The following STXBP5 variants were observed in gnomAD, a reference collection of about 807,000 sequenced individuals.
The protein encoded by STXBP5 is syntaxin-binding protein 5.
Under a neutral mutation model 152.4 loss-of-function variants are expected in STXBP5, and 50 were observed. That is an observed-to-expected ratio of 0.33 (90% confidence interval 0.26 to 0.42). The LOEUF (loss-of-function observed/expected upper bound fraction) is 0.42. STXBP5 is among the 10% of genes least tolerant of loss of function. STXBP5 has a pLI of 1.00. For missense variants in STXBP5, 1,167 were observed against 1,388.6 expected (o/e 0.84, Z 2.54); for synonymous variants, 492 against 494.7 (o/e 0.99, Z 0.07).
At chr6:147,243,789 T>C (rs1778663634) in intron 4 of STXBP5, among the ~76,000 whole-genome samples, 1 of 152,096 alleles carries the variant, frequency 6.6e-6, no homozygotes, top group African/African-American at 2.4e-5. Context: ...AGAGTTTTTT[T>C]TCTTTTTTTA....
At chr6:147,334,520 T>C (rs910662764) in intron 19 of STXBP5, among the ~76,000 whole-genome samples, 1 of 152,124 alleles carries the variant, frequency 6.6e-6, no homozygotes, top group Non-Finnish European at 1.5e-5. Flanking sequence ...TGCCATTGGA[T>C]CAAATGTCTT....
intron 21 of STXBP5, among the ~76,000 whole-genome samples, chr6:147,348,479 G>A (rs1416149114): frequency 6.6e-6 from 1 of 151,980 alleles, no homozygotes; most frequent in Non-Finnish European, 1.5e-5. Flanking sequence ...ACTCAATACA[G>A]TAACAAAATG....
chr6:147,259,546 T>C (rs1055509665), intron 4 of STXBP5, among the ~76,000 whole-genome samples: 1 of 152,188 alleles, frequency 6.6e-6, no homozygotes, highest in Admixed American at 6.5e-5. Context: ...GTGTATTTAT[T>C]TGATAAGTGT....
chr6:147,358,447 TGAGGAGTGTG>T (rs1425422139), intron 22 of STXBP5, among the ~76,000 whole-genome samples: 3 of 152,204 alleles, frequency 2.0e-5, no homozygotes, highest in Non-Finnish European at 4.4e-5. Flanking sequence ...GGTTCAGTTC[TGAGGAGTGTG>T]GAGTTGTTTG....
intron 16 of STXBP5, among the ~76,000 whole-genome samples, chr6:147,319,315 A>C (rs1782796642): frequency 6.6e-6 from 1 of 152,108 alleles, no homozygotes; most frequent in Non-Finnish European, 1.5e-5. Flanking sequence ...ATTAGCCTGG[A>C]ATTATTCCAT....
At chr6:147,330,876 T>A (rs1783534297) in intron 18 of STXBP5, among the ~76,000 whole-genome samples, 1 of 152,208 alleles carries the variant, frequency 6.6e-6, no homozygotes, top group Non-Finnish European at 1.5e-5. Context: ...TAGTGCCTGA[T>A]TTTGTAAATA....
chr6:147,204,695 C>A lies in STXBP5; in HGVS notation c.150+13C>A. 1.3e-6 allele frequency: 2 copies of A among 1,551,296 alleles called. No individual in the cohort carries two copies. The highest frequency in any genetic ancestry group is 1.7e-6 in the Non-Finnish European group (2 of 1,146,518). The stretch of plus-strand genomic sequence containing the variant: ...TCAGCTCTGCAAGGTGAACGGAGCG[C>A]GCAGCCCCGCGACACCGTCATTGAA... On this transcript the variant is annotated intron_variant, in intron 1 of 27. Coordinates refer to ENST00000321680, the MANE Select transcript of STXBP5 (RefSeq NM_001127715.4). The surrounding 1 kb of genome is among the most constrained non-coding windows in gnomAD (Gnocchi z 4.3).
rs374958281 is a variant in STXBP5, at chr6:147,278,219, A to G, written c.838+15A>G. The G allele has an allele frequency of 6.9e-5, 110 of 1,589,608 alleles. No homozygotes were observed. The African/African-American group carries it at 9.3e-4, about 13-fold the overall frequency. On this transcript the variant is annotated intron_variant, in intron 8 of 27. Transcript: ENST00000321680. ...CACTCCACATGGTAAGAATGCATCA[A>G]TTTTAAATACCACCTAATTGTAACG...
chr6:147,373,627 G>GT, intron 25 of STXBP5, 104 bp from the exon 26 acceptor site: 1 of 736,768 alleles, frequency 1.4e-6, no homozygotes, highest in Non-Finnish European at 2.4e-6. Flanking sequence ...ATCTCAACAG[G>GT]TAATGTTCTG....
intron 2 of STXBP5, among the ~76,000 whole-genome samples, chr6:147,233,518 T>G (rs1778108980): frequency 6.6e-6 from 1 of 151,738 alleles, no homozygotes; most frequent in African/African-American, 2.4e-5. Flanking sequence ...GTAACTCACT[T>G]AAAAAAATCA....
intron 2 of STXBP5, among the ~76,000 whole-genome samples, chr6:147,211,940 G>C (rs1776877921): frequency 6.6e-6 from 1 of 152,126 alleles, no homozygotes; most frequent in African/African-American, 2.4e-5. Flanking sequence ...GTTCATGGAA[G>C]AGTTCCGGTC....
At chr6:147,210,263 A>C (rs917379131) in intron 2 of STXBP5, among the ~76,000 whole-genome samples, 2 of 152,214 alleles carry the variant, frequency 1.3e-5, no homozygotes, top group African/African-American at 4.8e-5. Flanking sequence ...AAAACTTGGC[A>C]AAGAAGTGGC....
rs201711827 is a variant in STXBP5, at chr6:147,353,400, T to C, written c.2305+27T>C. 88 of 1,469,022 alleles carry C rather than the reference T, an allele frequency of 6.0e-5. No homozygotes were observed. The East Asian group carries it at 1.6e-3, about 26-fold the overall frequency. The allele number at this position is 1,469,022 out of a possible 1,614,324, so 91.0% of individuals were successfully genotyped here. A position where few individuals can be genotyped will look rare whatever the true frequency, so the allele number is the denominator to read the frequency against. On this transcript the variant is annotated intron_variant, in intron 22 of 27. Transcript: ENST00000321680. ...TAAGTAAAATAAATATTCAAAATAA[T>C]TTAACTCCCTATAATGGGAAGACAA...
intron 9 of STXBP5, among the ~76,000 whole-genome samples, chr6:147,294,513 C>T (rs925108809): frequency 1.6e-4 from 25 of 152,098 alleles, no homozygotes; most frequent in African/African-American, 5.8e-4. Flanking sequence ...CTGACAAACA[C>T]CTAAAATGCA....
intron 8 of STXBP5, among the ~76,000 whole-genome samples, chr6:147,288,367 T>A (rs1781101262): frequency 6.6e-6 from 1 of 152,188 alleles, no homozygotes; most frequent in Non-Finnish European, 1.5e-5. Flanking sequence ...TGGCTGATAC[T>A]ACTGCATTTT....
chr6:147,256,816 G>A (rs74896334), intron 4 of STXBP5, among the ~76,000 whole-genome samples: 4,457 of 152,142 alleles, frequency 0.029, 59 homozygotes, highest in Middle Eastern at 0.055. Context: ...ATACTCATTA[G>A]GTGTAAGATA....
intron 2 of STXBP5, among the ~76,000 whole-genome samples, chr6:147,218,938 C>G (rs769425207): frequency 6.6e-5 from 10 of 152,090 alleles, no homozygotes; most frequent in Non-Finnish European, 1.0e-4. Flanking sequence ...TATGTGCATA[C>G]CTTTTATTTC....
intron 7 of STXBP5, 126 bp from the exon 8 acceptor site, chr6:147,277,955 T>A: frequency 2.5e-6 from 2 of 799,642 alleles, no homozygotes; most frequent in South Asian, 4.3e-5. Flanking sequence ...TATGGAAATG[T>A]TAAGTTCACA....
intron 9 of STXBP5, among the ~76,000 whole-genome samples, chr6:147,296,906 C>A (rs1188302999): frequency 6.6e-6 from 1 of 151,920 alleles, no homozygotes; most frequent in Non-Finnish European, 1.5e-5. Flanking sequence ...TTGAAATAAT[C>A]CAGCCAGAGG....
Sources: allele counts gnomAD v4.1 joint callset (sites outside exome capture counted in the v4.1 genomes callset), GRCh38; gene constraint gnomAD v4.1.1; non-coding constraint Gnocchi (gnomAD v3.1); transcripts MANE v1.5; gene names NCBI Gene and HGNC (gene_info 2026-07-23, HGNC 2026-07-21).